The following ACBD5 variants were observed in gnomAD, a reference collection of about 807,000 sequenced individuals.
ACBD5 encodes the protein acyl-CoA-binding domain-containing protein 5.
A neutral mutation model predicts 71.8 loss-of-function variants in ACBD5; 40 were observed. That is an observed-to-expected ratio of 0.56 (90% CI 0.43 to 0.72). The LOEUF (loss-of-function observed/expected upper bound fraction) is 0.72. ACBD5 is among the 30% of genes least tolerant of loss of function. ACBD5 has a pLI of 0.00. For synonymous variants in ACBD5, 229 were observed against 218.6 expected, an observed-to-expected ratio of 1.05 and a Z score of -0.42; for missense variants, 559 against 644.5, an observed-to-expected ratio of 0.87 and a Z score of 1.44.
At position 27,204,464 on chromosome 10, in the gene ACBD5, T is replaced by C. The variant is rs1219842986; in HGVS notation, c.1541A>G (p.Tyr514Cys). Reference sequence around the variant, plus strand: ...CCTTCTCCTTCTTTGATAGTATAAATACACCAACCACTGTGCAATAAAAGG... The same window carrying C: ...CCTTCTCCTTCTTTGATAGTATAAACACACCAACCACTGTGCAATAAAAGG... The part of the protein sequence containing the change: ...IWPFIAQWLV[Y>C]LYYQRRRRKL... The change falls in exon 12 of 13, where the codon TAT (tyrosine) becomes TGT (cysteine). Residue 514 changes from tyrosine (Y) to cysteine (C), a missense_variant. By Grantham distance (194) the Tyr-to-Cys change is radical. Transcript: ENST00000396271. The C allele has an allele frequency of 6.2e-7, 1 of 1,613,776 alleles. No individual in the cohort carries two copies. Among genetic ancestry groups the C allele is most frequent in the East Asian group, 2.2e-5 (1 of 44,874 alleles).
chr10:27,206,253 A>G (rs1305175950), intron 10 of ACBD5, among the ~76,000 whole-genome samples: 1 of 152,054 alleles, frequency 6.6e-6, no homozygotes, highest in East Asian at 1.9e-4. Context: ...ATACATCAAA[A>G]GAATTTTAGC....
chr10:27,211,561 C>T (rs7902126), intron 8 of ACBD5, among the ~76,000 whole-genome samples: 106,538 of 151,988 alleles, frequency 0.7, 37,429 homozygotes, highest in Admixed American at 0.72. Context: ...CCTCATGATC[C>T]GCCCACCTCG....
intron 13 of ACBD5, among the ~76,000 whole-genome samples, chr10:27,183,843 C>T (rs1249531378): frequency 6.6e-6 from 1 of 152,046 alleles, no homozygotes; most frequent in African/African-American, 2.4e-5. Context: ...TCCCAAGTAG[C>T]TGGTACTACT....
rs577069442 is a variant in ACBD5 at position 27,196,817 on chromosome 10, T to C, written c.*613A>G. The C allele has an allele frequency of 4.4e-4, 202 of 454,120 alleles. No homozygotes were observed. The highest frequency in any genetic ancestry group is 3.4e-3 in the African/African-American group (172 of 50,112). The allele number at this position is 454,120 out of a possible 1,614,324, so 28.1% of individuals were successfully genotyped here. Reference sequence around the variant, plus strand: ...ATTTGTAAAAACTCAGTCTGGTACATAGGACTCCACTTTTTAATAATGATG... The same window carrying C: ...ATTTGTAAAAACTCAGTCTGGTACACAGGACTCCACTTTTTAATAATGATG... On this transcript the variant is annotated 3_prime_UTR_variant, in exon 13 of 13. Coordinates refer to ENST00000396271, the MANE Select transcript of ACBD5 (RefSeq NM_145698.5).
rs964271157 is a variant in ACBD5, at chr10:27,215,630, C to T, written c.841G>A (p.Asp281Asn). Residue 281 changes from aspartate (D) to asparagine (N), a missense_variant, in exon 8 of 13, where the codon GAT (aspartate) becomes AAT (asparagine). Physicochemically the swap from Asp to Asn is conservative, Grantham distance 23 (BLOSUM62 1). Coordinates refer to ENST00000396271, the MANE Select transcript of ACBD5 (RefSeq NM_145698.5). Reference protein sequence around the residue: ...AVCIHQDINDDHVEDVTGIQH... With the variant: ...AVCIHQDINDNHVEDVTGIQH... Reference sequence around the variant, plus strand: ...ATTCCTGTAACATCTTCAACATGATCATCATTTATATCTAAATATGAACAA... The same window carrying T: ...ATTCCTGTAACATCTTCAACATGATTATCATTTATATCTAAATATGAACAA... The T allele has an allele frequency of 6.2e-7, 1 of 1,609,960 alleles. No individual in the cohort carries two copies. Among genetic ancestry groups the T allele is most frequent in the South Asian group, 1.1e-5 (1 of 90,884 alleles).
At chr10:27,186,428 G>C (rs1564514968) in intron 13 of ACBD5, 1 of 1,614,078 alleles carries the variant, frequency 6.2e-7, no homozygotes, top group Admixed American at 1.7e-5. Context: ...AAAATCTGCA[G>C]CATCAGACTA....
intron 9 of ACBD5, among the ~76,000 whole-genome samples, chr10:27,209,614 C>A (rs963788484): frequency 1.3e-5 from 2 of 152,208 alleles, no homozygotes; most frequent in Non-Finnish European, 1.5e-5. Flanking sequence ...TGAGCCACCA[C>A]GCCCAGCCAT....
chr10:27,207,614 TACTC>T (rs1179997956), intron 10 of ACBD5, among the ~76,000 whole-genome samples: 2 of 152,218 alleles, frequency 1.3e-5, no homozygotes, highest in Admixed American at 1.3e-4. Flanking sequence ...TAACAAATGT[TACTC>T]AAGAAGCGGC....
Position 27,195,459 on chromosome 10 carries a change from G to A in ACBD5, c.*1971C>T, listed in dbSNP as rs2059301335. 1 of 454,384 alleles carries A rather than the reference G, an allele frequency of 2.2e-6. No individual in the cohort carries two copies. Among genetic ancestry groups the A allele is most frequent in the African/African-American group, 2.0e-5 (1 of 50,096 alleles). 28.1% of individuals were successfully genotyped at this position (454,384 alleles called of 1,614,324 possible). A position where few individuals can be genotyped will look rare whatever the true frequency, so the allele number is the denominator to read the frequency against. ...TTATCCCTAGGAGTTAGTTATCCCA[G>A]ACTGCTTGTAATGATTCACAACTGC... On this transcript the variant is annotated 3_prime_UTR_variant, in exon 13 of 13. Coordinates refer to ENST00000396271, the MANE Select transcript of ACBD5 (RefSeq NM_145698.5).
At chr10:27,212,575 G>A (rs2061206473) in intron 8 of ACBD5, among the ~76,000 whole-genome samples, 1 of 141,268 alleles carries the variant, frequency 7.1e-6, no homozygotes, top group East Asian at 2.2e-4. Context: ...TCCAATTTAT[G>A]CTGCTTTTTT....
At chr10:27,230,038 T>A in intron 4 of ACBD5, among the ~76,000 whole-genome samples, 1 of 151,404 alleles carries the variant, frequency 6.6e-6, no homozygotes, top group Non-Finnish European at 1.5e-5. Context: ...TTTTACTTAA[T>A]GTGTCAATTC....
chr10:27,208,223 G>A, intron 10 of ACBD5, 23 bp downstream of exon 10: 4 of 1,610,306 alleles, frequency 2.5e-6, no homozygotes, highest in Non-Finnish European at 3.4e-6. Context: ...GCACAAGAAG[G>A]TATGATACAT....
At chr10:27,211,390 G>A (rs1349193878) in intron 8 of ACBD5, among the ~76,000 whole-genome samples, 1 of 152,004 alleles carries the variant, frequency 6.6e-6, no homozygotes, top group African/African-American at 2.4e-5. Flanking sequence ...GCACGATCTC[G>A]GCTCACTGCA....
At chr10:27,223,527 T>A in intron 4 of ACBD5, 75 bp from the exon 5 acceptor site, 1 of 1,062,484 alleles carries the variant, frequency 9.4e-7, no homozygotes. Context: ...AATAATCTCC[T>A]ATTTCCAATT....
chr10:27,240,461 G>A lies in ACBD5; in HGVS notation c.39C>T (p.Ser13=). 2 of 1,613,136 alleles carry A rather than the reference G, an allele frequency of 1.2e-6. No homozygotes were observed. The highest frequency in any genetic ancestry group is 1.1e-5 in the South Asian group (1 of 90,976). ...FLSFHAGSWE[S]WCCCCLIPAD... is the part of the protein sequence containing the mutation. ...CGGGAATCAGGCAGCAGCAGCACCA[G>A]CTTTCCCAAGAGCCTGCATGAAACT... The change falls in exon 2 of 13, where the codon AGC becomes AGT. Residue 13 remains serine (S), a synonymous_variant. Transcript: ENST00000396271. This position sits in a 1 kb window ranked among gnomAD's most constrained non-coding sequence, Gnocchi z 4.1.
At chr10:27,241,022 A>C (rs1389420735), upstream of ACBD5, 2 of 510,052 alleles carry the variant, frequency 3.9e-6, no homozygotes, top group African/African-American at 4.0e-5. Context: ...TTTGTTCAGA[A>C]GGGGGAAACC....
intron 13 of ACBD5, among the ~76,000 whole-genome samples, chr10:27,185,383 A>G (rs2058633392): frequency 1.3e-5 from 2 of 152,262 alleles, no homozygotes; most frequent in South Asian, 4.1e-4. Context: ...CTATAATCCC[A>G]GCACTTTGGG....
intron 8 of ACBD5, among the ~76,000 whole-genome samples, chr10:27,215,214 A>C (rs915167569): frequency 2.0e-5 from 3 of 152,110 alleles, no homozygotes; most frequent in African/African-American, 7.2e-5. Flanking sequence ...CCTGAACATT[A>C]ATAAATGTTT....
intron 3 of ACBD5, among the ~76,000 whole-genome samples, chr10:27,234,456 G>A (rs957047926): frequency 1.1e-5 from 1 of 87,648 alleles, no homozygotes; most frequent in Non-Finnish European, 2.7e-5. Flanking sequence ...TTAAAAGTTT[G>A]TTTATTTAAC....
Sources: gnomAD v4.1 joint callset for allele counts (sites outside exome capture counted in the v4.1 genomes callset) on GRCh38, gnomAD v4.1.1 for gene constraint, Gnocchi (gnomAD v3.1) non-coding constraint, MANE v1.5 for transcripts, NCBI Gene and HGNC (gene_info 2026-07-23, HGNC 2026-07-21) for gene names.